The following KCTD8 variants were observed in gnomAD, a reference collection of about 807,000 sequenced individuals.
KCTD8 encodes the protein BTB/POZ domain-containing protein KCTD8.
Under a neutral mutation model 31.5 loss-of-function variants are expected in KCTD8, and 27 were observed. The ratio of observed to expected loss-of-function variants is 0.86; its 90% confidence interval spans 0.63 to 1.18. The LOEUF (loss-of-function observed/expected upper bound fraction) is 1.18, where lower values mean the gene tolerates loss of function less well. Among genes scored for constraint, KCTD8 ranks in the 50% most tolerant of loss-of-function variants. KCTD8 has a pLI of 0.00. For missense variants in KCTD8, 658 were observed against 647.7 expected, an observed-to-expected ratio of 1.02 and a Z score of -0.17; for synonymous variants, 290 against 280.0, an observed-to-expected ratio of 1.04 and a Z score of -0.36.
intron 1 of KCTD8, among the ~76,000 whole-genome samples, chr4:44,315,030 T>C (rs1044007943): frequency 6.6e-6 from 1 of 151,870 alleles, no homozygotes; most frequent in African/African-American, 2.4e-5. Context: ...GCTTTAGATC[T>C]CCATTATTTG....
chr4:44,245,018 A>G (rs1715612351), intron 1 of KCTD8, among the ~76,000 whole-genome samples: 1 of 152,198 alleles, frequency 6.6e-6, no homozygotes, highest in Non-Finnish European at 1.5e-5. Flanking sequence ...ATTTTTAAGC[A>G]CATACTTTAT....
chr4:44,239,085 T>G (rs1165204424), intron 1 of KCTD8, among the ~76,000 whole-genome samples: 1 of 152,162 alleles, frequency 6.6e-6, no homozygotes, highest in African/African-American at 2.4e-5. Flanking sequence ...ATCTGTATGA[T>G]TTAGGGTAAT....
chr4:44,447,741 C>T lies in KCTD8; in HGVS notation c.783G>A (p.Gln261=). 1 of 1,612,326 alleles carries T rather than the reference C, an allele frequency of 6.2e-7. No homozygotes were observed. Among genetic ancestry groups the T allele is most frequent in the East Asian group, 2.2e-5 (1 of 44,764 alleles). Residue 261 remains glutamine (Q), a synonymous_variant, in exon 1 of 2, where the codon CAG becomes CAA. Coordinates refer to ENST00000360029, the MANE Select transcript of KCTD8 (RefSeq NM_198353.3). ...AGAAGCGGGACGTGTACTTCTCCGGCTGCCGGTCGGGGTCGCGGCTCTCGT... is the reference window on the plus strand; with the variant it reads ...AGAAGCGGGACGTGTACTTCTCCGGTTGCCGGTCGGGGTCGCGGCTCTCGT... The part of the protein sequence containing the change: ...TLNESRDPDR[Q]PEKYTSRFYL...
intron 1 of KCTD8, among the ~76,000 whole-genome samples, chr4:44,188,382 T>G (rs1464438906): frequency 6.6e-6 from 1 of 152,214 alleles, no homozygotes; most frequent in Non-Finnish European, 1.5e-5. Flanking sequence ...GAATTTTGCT[T>G]GATGTGAAGT....
At chr4:44,247,313 C>A (rs771892183) in intron 1 of KCTD8, among the ~76,000 whole-genome samples, 14 of 151,960 alleles carry the variant, frequency 9.2e-5, no homozygotes, top group Non-Finnish European at 1.6e-4. Context: ...TTTCCCCATG[C>A]AATTAATCAC....
chr4:44,206,425 C>T (rs868233871), intron 1 of KCTD8, among the ~76,000 whole-genome samples: 1 of 152,096 alleles, frequency 6.6e-6, no homozygotes, highest in South Asian at 2.1e-4. Context: ...GCATGTGTAC[C>T]AAATGTTCAT....
chr4:44,239,999 A>T (rs1715401341), intron 1 of KCTD8, among the ~76,000 whole-genome samples: 1 of 152,214 alleles, frequency 6.6e-6, no homozygotes, highest in Admixed American at 6.5e-5. Flanking sequence ...ATTTAGTGAT[A>T]AAGAAATCAG....
rs1713131237 is a variant in KCTD8, at chr4:44,174,279, T to G, written c.*511A>C. On this transcript the variant is annotated 3_prime_UTR_variant, in exon 2 of 2. Transcript: ENST00000360029. ...TTCCAAGCAACAAACAGATCTTCCC[T>G]ATTTCTTGTGATTTATTTGTAACAT... is the stretch of plus-strand genomic sequence containing the variant. 6.6e-6 allele frequency: 1 copy of G among 152,656 alleles called. No homozygotes were observed. Among genetic ancestry groups the G allele is most frequent in the Non-Finnish European group, 1.5e-5 (1 of 68,056 alleles). The allele number at this position is 152,656 out of a possible 1,614,324, so 9.5% of individuals were successfully genotyped here. A position where few individuals can be genotyped will look rare whatever the true frequency, so the allele number is the denominator to read the frequency against.
chr4:44,253,978 G>A (rs898120278), intron 1 of KCTD8, among the ~76,000 whole-genome samples: 1 of 151,788 alleles, frequency 6.6e-6, no homozygotes, highest in African/African-American at 2.4e-5. Flanking sequence ...GGACAGTGAA[G>A]GCATTTTATT....
intron 1 of KCTD8, among the ~76,000 whole-genome samples, chr4:44,321,264 C>T (rs1175615425): frequency 6.6e-6 from 1 of 152,166 alleles, no homozygotes; most frequent in African/African-American, 2.4e-5. Flanking sequence ...GCACTATTGT[C>T]CACCAAGGAC....
At chr4:44,231,680 GT>G (rs1459966486) in intron 1 of KCTD8, among the ~76,000 whole-genome samples, 1 of 152,082 alleles carries the variant, frequency 6.6e-6, no homozygotes, top group Non-Finnish European at 1.5e-5. Flanking sequence ...TGGTTTTCAT[GT>G]ATCAGAAAGG....
At chr4:44,371,368 C>A (rs766034662) in intron 1 of KCTD8, among the ~76,000 whole-genome samples, 26 of 152,116 alleles carry the variant, frequency 1.7e-4, no homozygotes, top group Non-Finnish European at 2.5e-4. Context: ...TAAAATTAGC[C>A]ATTACAACCA....
chr4:44,383,726 C>A (rs74426906), intron 1 of KCTD8, among the ~76,000 whole-genome samples: 10,417 of 151,750 alleles, frequency 0.069, 431 homozygotes, highest in South Asian at 0.11. Context: ...TGGAAAAAAA[C>A]ACACACACAC....
In KCTD8 at chr4:44,175,109, G is replaced by C; in HGVS notation, c.1103C>G (p.Thr368Ser). The part of the protein sequence containing the change: ...SSCDSHSEAS[T>S]PQDNPSSAQQ... ...GGCACTGGATGGGTTGTCCTGGGGA[G>C]TGCTTGCCTCTGAATGGCTGTCACA... The change falls in exon 2 of 2, where the codon ACT (threonine) becomes AGT (serine). Residue 368 changes from threonine to serine, a missense_variant. Transcript: ENST00000360029. The C allele has an allele frequency of 6.2e-7, 1 of 1,614,008 alleles. No homozygotes were observed. Among genetic ancestry groups the C allele is most frequent in the Non-Finnish European group, 8.5e-7 (1 of 1,179,974 alleles).
chr4:44,223,340 T>C (rs1397066364), intron 1 of KCTD8, among the ~76,000 whole-genome samples: 2 of 152,160 alleles, frequency 1.3e-5, no homozygotes, highest in African/African-American at 4.8e-5. Flanking sequence ...TAGCATTTTA[T>C]ACCTGGTAAC....
intron 1 of KCTD8, among the ~76,000 whole-genome samples, chr4:44,309,951 A>T (rs988152273): frequency 6.6e-6 from 1 of 152,096 alleles, no homozygotes; most frequent in Non-Finnish European, 1.5e-5. Context: ...TTTTGAAGGT[A>T]ATGTCGTCAT....
At chr4:44,395,775 G>C (rs907960758) in intron 1 of KCTD8, among the ~76,000 whole-genome samples, 1 of 152,024 alleles carries the variant, frequency 6.6e-6, no homozygotes, top group Non-Finnish European at 1.5e-5. Context: ...CCCAGACACT[G>C]GCTGGGGGTG....
chr4:44,412,154 A>G (rs930233709), intron 1 of KCTD8, among the ~76,000 whole-genome samples: 1 of 152,186 alleles, frequency 6.6e-6, no homozygotes, highest in African/African-American at 2.4e-5. Context: ...GCCAACTGAG[A>G]AGAGATCTTG....
intron 1 of KCTD8, among the ~76,000 whole-genome samples, chr4:44,405,661 T>C (rs1720775648): frequency 1.3e-5 from 2 of 152,084 alleles, no homozygotes; most frequent in African/African-American, 4.8e-5. Context: ...TCTCTGGAAC[T>C]CTACTCAAAT....
Sources: allele counts gnomAD v4.1 joint callset (sites outside exome capture counted in the v4.1 genomes callset), GRCh38; gene constraint gnomAD v4.1.1; transcripts MANE v1.5; gene names NCBI Gene and HGNC (gene_info 2026-07-23, HGNC 2026-07-21).